Variants in CA5A observed in about 807,000 individuals in gnomAD.
The protein encoded by CA5A is carbonic anhydrase 5A.
Under a neutral mutation model 37.1 loss-of-function variants are expected in CA5A, and 28 were observed. That is an observed-to-expected ratio of 0.75 (90% CI 0.56 to 1.03). The LOEUF is 1.03. CA5A is among the 50% of genes least tolerant of loss of function. The pLI is 0.00. For missense variants in CA5A, 444 were observed against 399.9 expected, an observed-to-expected ratio of 1.11 and a Z score of -0.94; for synonymous variants, 171 against 158.4, an observed-to-expected ratio of 1.08 and a Z score of -0.60.
chr16:87,887,134 C>G (rs996783081), downstream of CA5A: 1 of 152,176 alleles, frequency 6.6e-6, no homozygotes, highest in Admixed American at 6.5e-5. Context: ...AACTTCTGAC[C>G]TCAGGTGGTC....
At chr16:87,922,138 C>T (rs985841603) in intron 2 of CA5A, among the ~76,000 whole-genome samples, 10 of 152,164 alleles carry the variant, frequency 6.6e-5, no homozygotes, top group African/African-American at 2.4e-4. Flanking sequence ...CGACAGGAGT[C>T]TGTGCTCTAA....
At chr16:87,901,602 T>C (rs2055879392) in intron 5 of CA5A, among the ~76,000 whole-genome samples, 1 of 152,014 alleles carries the variant, frequency 6.6e-6, no homozygotes, top group Non-Finnish European at 1.5e-5. Flanking sequence ...CTTTTTTTTT[T>C]TTTGAGATGG....
exon 5 of CA5A, chr16:87,881,673 T>C (rs1383567264): frequency 6.6e-6 from 1 of 152,026 alleles, no homozygotes; most frequent in African/African-American, 2.4e-5. Flanking sequence ...CTGGTCACAG[T>C]GAGAGCCCTT....
At chr16:87,906,329 G>T (rs149871210) in intron 2 of CA5A, among the ~76,000 whole-genome samples, 1 of 152,074 alleles carries the variant, frequency 6.6e-6, no homozygotes, top group Non-Finnish European at 1.5e-5. Flanking sequence ...GTGGTTTCCC[G>T]ACACCAGAAG....
intron 5 of CA5A, chr16:87,892,314 AG>A (rs2055729329): frequency 1.2e-5 from 2 of 161,510 alleles, no homozygotes; most frequent in Admixed American, 6.5e-5. Flanking sequence ...GTTCGAGACC[AG>A]CCTGGTCAAC....
Position 87,888,053 on chromosome 16 carries a change from A to G in CA5A, c.*76T>C, listed in dbSNP as rs2055662931. The G allele has an allele frequency of 6.6e-7, 1 of 1,516,966 alleles. No homozygotes were observed. Among genetic ancestry groups the G allele is most frequent in the East Asian group, 2.3e-5 (1 of 43,702 alleles). The allele number at this position is 1,516,966 out of a possible 1,614,324, so 94.0% of individuals were successfully genotyped here. ...TTTTTAATTTCAGAAGTCATGTACAATCACATTGTGAAACTTGGGAAACAA... is the reference window on the plus strand; with the variant it reads ...TTTTTAATTTCAGAAGTCATGTACAGTCACATTGTGAAACTTGGGAAACAA... On this transcript the variant is annotated 3_prime_UTR_variant, in exon 7 of 7. Transcript: ENST00000649794.
At chr16:87,886,219 G>T (rs900185047), downstream of CA5A, 11 of 145,900 alleles carry the variant, frequency 7.5e-5, no homozygotes, top group African/African-American at 2.8e-4. Context: ...GCGCGATCTC[G>T]GCTCACTACA....
At chr16:87,896,509 C>G (rs58893155) in intron 5 of CA5A, among the ~76,000 whole-genome samples, 3,333 of 152,320 alleles carry the variant, frequency 0.022, 130 homozygotes, top group African/African-American at 0.076. Context: ...GAATGGGACA[C>G]CGGTGAGCAC....
At chr16:87,888,362 C>T in intron 6 of CA5A, 90 bp from the exon 7 acceptor site, 1 of 1,142,820 alleles carries the variant, frequency 8.8e-7, no homozygotes. Flanking sequence ...GGTCCCCTCC[C>T]ATGCTGAATC....
chr16:87,923,892 C>T (rs555380351), intron 2 of CA5A: 1 of 984,672 alleles, frequency 1.0e-6, no homozygotes, highest in Non-Finnish European at 1.2e-6. Context: ...AAATATTAAC[C>T]CAAACAATTA....
intron 5 of CA5A, chr16:87,893,210 C>G: frequency 2.3e-6 from 1 of 425,648 alleles, no homozygotes; most frequent in African/African-American, 2.1e-5. Context: ...TCACTGCAGC[C>G]TCTGCTTCCT....
At chr16:87,889,911 C>T (rs528520473) in intron 6 of CA5A, among the ~76,000 whole-genome samples, 1 of 152,390 alleles carries the variant, frequency 6.6e-6, no homozygotes, top group South Asian at 2.1e-4. Context: ...TACATGCTGA[C>T]AGCATACTGG....
chr16:87,926,779 C>G lies in CA5A; in HGVS notation c.309G>C (p.Gln103His). Residue 103 changes from glutamine (Q) to histidine (H), a missense_variant, in exon 2 of 7, where the codon CAG becomes CAC. By Grantham distance (24) the Gln-to-His change is conservative. Coordinates refer to ENST00000649794, the MANE Select transcript of CA5A (RefSeq NM_001739.2). ...LYIWNTGYLF[Q>H]VEFDDATEAS... ...CCTCGGTGGCATCGTCAAATTCCAC[C>G]TGGAAGAGGTAGCCAGTGTTCCAGA... The G allele has an allele frequency of 6.2e-7, 1 of 1,614,092 alleles. No homozygotes were observed. Among genetic ancestry groups the G allele is most frequent in the Non-Finnish European group, 8.5e-7 (1 of 1,179,956 alleles).
At chr16:87,904,630 G>T (rs975298530) in intron 3 of CA5A, among the ~76,000 whole-genome samples, 156 bp downstream of exon 3, 2 of 152,208 alleles carry the variant, frequency 1.3e-5, no homozygotes. Context: ...GACTAAACGG[G>T]TGGGGCGGCC....
chr16:87,928,421 A>C (rs557590095), intron 1 of CA5A, among the ~76,000 whole-genome samples: 1 of 152,120 alleles, frequency 6.6e-6, no homozygotes, highest in South Asian at 2.1e-4. Flanking sequence ...GCCTGTCCCA[A>C]AGTGAGGCAG....
intron 5 of CA5A, among the ~76,000 whole-genome samples, chr16:87,895,833 T>C (rs1340995600): frequency 6.6e-6 from 1 of 152,140 alleles, no homozygotes; most frequent in Non-Finnish European, 1.5e-5. Context: ...GCAGCATGAG[T>C]TAGAGCTGTG....
chr16:87,898,878 GAGTGT>G (rs2055838759), intron 5 of CA5A, among the ~76,000 whole-genome samples: 1 of 151,974 alleles, frequency 6.6e-6, no homozygotes, highest in African/African-American at 2.4e-5. Flanking sequence ...GGGATTACAG[GAGTGT>G]GCCACGATAC....
chr16:87,925,274 C>A (rs182032996), intron 2 of CA5A, among the ~76,000 whole-genome samples: 2 of 152,214 alleles, frequency 1.3e-5, no homozygotes, highest in East Asian at 1.9e-4. Context: ...CTACATTCAG[C>A]AAAAGGACGC....
intron 2 of CA5A, among the ~76,000 whole-genome samples, chr16:87,921,488 C>A (rs1368783120): frequency 2.0e-5 from 3 of 152,150 alleles, no homozygotes; most frequent in African/African-American, 7.2e-5. Context: ...TCTTTAAATA[C>A]GTCCTAGAAA....
Sources: allele counts gnomAD v4.1 joint callset (sites outside exome capture counted in the v4.1 genomes callset), GRCh38; gene constraint gnomAD v4.1.1; transcripts MANE v1.5; gene names NCBI Gene and HGNC (gene_info 2026-07-23, HGNC 2026-07-21).